STK32A: variants seen among roughly 807,000 people sequenced by gnomAD.
The protein encoded by STK32A is serine/threonine kinase 32A.
Under a neutral mutation model 53.2 loss-of-function variants are expected in STK32A, and 41 were observed. That is an observed-to-expected ratio of 0.77 (90% CI 0.60 to 1.00). The LOEUF is 1.00. STK32A is among the 50% of genes least tolerant of loss of function. The probability of loss-of-function intolerance (pLI) is 0.00; values close to 1 mark genes in which losing one functional copy is unlikely to be tolerated. For missense variants in STK32A, 458 were observed against 485.8 expected (o/e 0.94, Z 0.54); for synonymous variants, 166 against 162.8 (o/e 1.02, Z -0.15).
chr5:147,250,171 C>A (rs11167966), intron 2 of STK32A, among the ~76,000 whole-genome samples: 36,914 of 151,788 alleles, frequency 0.24, 4,528 homozygotes, highest in Admixed American at 0.3. Flanking sequence ...TGCGTGGGAA[C>A]GGAGGGGTTT....
intron 2 of STK32A, among the ~76,000 whole-genome samples, chr5:147,258,522 CCCTTTTAAAA>C (rs200912765): frequency 0.016 from 2,441 of 152,184 alleles, 80 homozygotes; most frequent in African/African-American, 0.056. Flanking sequence ...TACATAAATT[CCCTTTTAAAA>C]CTTTTTTTTC....
At chr5:147,272,933 G>A (rs1249625208) in intron 2 of STK32A, among the ~76,000 whole-genome samples, 4 of 152,162 alleles carry the variant, frequency 2.6e-5, no homozygotes, top group Admixed American at 6.5e-5. Flanking sequence ...AAGGTGTGCT[G>A]TTCTCAATAG....
At chr5:147,400,871 T>C in the STK32A span, 1 of 1,602,868 alleles carries the variant, frequency 6.2e-7, no homozygotes, top group African/African-American at 1.3e-5. Flanking sequence ...ACAGGGGAGA[T>C]GGCTGGAGGC....
intron 5 of STK32A, among the ~76,000 whole-genome samples, chr5:147,331,870 C>T (rs1285132405): frequency 6.6e-6 from 1 of 152,134 alleles, no homozygotes; most frequent in African/African-American, 2.4e-5. Flanking sequence ...AGCAAACCCA[C>T]AGAAGCTGGA....
intron 2 of STK32A, among the ~76,000 whole-genome samples, chr5:147,261,218 C>T (rs1464219732): frequency 2.0e-5 from 3 of 152,122 alleles, no homozygotes; most frequent in African/African-American, 7.2e-5. Context: ...AGTTTTAGTG[C>T]CACAAAAGGA....
At chr5:147,302,114 G>C (rs1040999661) in intron 4 of STK32A, among the ~76,000 whole-genome samples, 2 of 152,152 alleles carry the variant, frequency 1.3e-5, no homozygotes, top group African/African-American at 4.8e-5. Context: ...AATGTGGACA[G>C]CTTTGGGGAG....
Position 147,366,032 on chromosome 5 carries a change from T to TACAC in STK32A, c.660+4436_660+4439dup, listed in dbSNP as rs61026081. Among the ~76,000 whole-genome samples, 1,306 of 149,390 alleles carry TACAC rather than the reference T, an allele frequency of 8.7e-3. 16 individuals are homozygous for TACAC. The highest frequency in any genetic ancestry group is 0.03 in the African/African-American group (1,231 of 40,906). Reference sequence around the variant, plus strand: ...AGAAACTACTGTTGCTCCCCAGTGCTACACACACACACACACACACATACA... The same window carrying TACAC: ...AGAAACTACTGTTGCTCCCCAGTGCTACACACACACACACACACACACACATACA... On this transcript the variant is annotated intron_variant, in intron 8 of 12. Transcript: ENST00000397936.
intron 2 of STK32A, among the ~76,000 whole-genome samples, chr5:147,260,772 G>T (rs895705151): frequency 1.3e-5 from 2 of 152,264 alleles, no homozygotes; most frequent in East Asian, 3.9e-4. Context: ...GGCGGGATAC[G>T]CCCTAAGCCA....
At chr5:147,290,909 A>G (rs1448629209) in intron 4 of STK32A, among the ~76,000 whole-genome samples, 1 of 152,188 alleles carries the variant, frequency 6.6e-6, no homozygotes, top group Non-Finnish European at 1.5e-5. Flanking sequence ...TAAGAAAAAA[A>G]GACAAGGCAG....
rs768608929 is a variant in STK32A at position 147,237,385 on chromosome 5, A to G, written c.-96-2154A>G. ...GTGCCATCAGTGGTTCAGTCCTTAC[A>G]CTATCCCTCATTTGGATTTTAAATG... On this transcript the variant is annotated intron_variant, in intron 1 of 12. Transcript: ENST00000397936. Among the ~76,000 whole-genome samples, 17 of 152,072 alleles carry G rather than the reference A, an allele frequency of 1.1e-4. No individual in the cohort carries two copies. In the East Asian group the frequency reaches 1.2e-3, roughly 10 times the overall value.
intron 8 of STK32A, among the ~76,000 whole-genome samples, chr5:147,366,301 T>C (rs992877625): frequency 6.6e-6 from 1 of 152,208 alleles, no homozygotes; most frequent in Non-Finnish European, 1.5e-5. Context: ...AGGCAAACCT[T>C]GGTCTTCTTT....
intron 4 of STK32A, among the ~76,000 whole-genome samples, chr5:147,308,192 G>A (rs925145617): frequency 5.3e-5 from 8 of 150,418 alleles, no homozygotes; most frequent in South Asian, 4.2e-4. Flanking sequence ...ATATATATGC[G>A]TATACATTTC....
intron 4 of STK32A, among the ~76,000 whole-genome samples, chr5:147,288,210 C>T (rs1752434630): frequency 6.6e-6 from 1 of 152,186 alleles, no homozygotes; most frequent in South Asian, 2.1e-4. Context: ...TCTGGTACTA[C>T]ATTCAAAACT....
chr5:147,266,643 C>CCAGT (rs1458004711), intron 2 of STK32A, among the ~76,000 whole-genome samples: 2 of 151,996 alleles, frequency 1.3e-5, no homozygotes, highest in Admixed American at 1.3e-4. Context: ...CAAGACACAC[C>CCAGT]CAGTGTCTTC....
chr5:147,319,940 C>T (rs1426256007), intron 4 of STK32A, among the ~76,000 whole-genome samples: 1 of 152,146 alleles, frequency 6.6e-6, no homozygotes, highest in Admixed American at 6.5e-5. Flanking sequence ...CCCCTACTAT[C>T]ATGGTTTTCA....
intron 4 of STK32A, among the ~76,000 whole-genome samples, chr5:147,292,585 C>T (rs553668639): frequency 6.6e-6 from 1 of 152,266 alleles, no homozygotes; most frequent in South Asian, 2.1e-4. Flanking sequence ...AATTTCAGTC[C>T]TGGCCAGGTG....
chr5:147,375,962 A>G (rs1246815104), intron 11 of STK32A: 1 of 152,040 alleles, frequency 6.6e-6, no homozygotes, highest in African/African-American at 2.4e-5. Flanking sequence ...TCCTCCATCA[A>G]TCCCTGCCTC....
chr5:147,350,341 G>C (rs1254949039), intron 6 of STK32A, among the ~76,000 whole-genome samples: 1 of 151,442 alleles, frequency 6.6e-6, no homozygotes, highest in Non-Finnish European at 1.5e-5. Context: ...CAGTTTTGTA[G>C]TAATAATATT....
intron 2 of STK32A, among the ~76,000 whole-genome samples, chr5:147,247,222 CGATTA>C (rs1753800973): frequency 6.6e-6 from 1 of 152,150 alleles, no homozygotes; most frequent in East Asian, 1.9e-4. Context: ...AATGTCAACT[CGATTA>C]GAGTGACCAG....
Sources: gnomAD v4.1 joint callset for allele counts (sites outside exome capture counted in the v4.1 genomes callset) on GRCh38, gnomAD v4.1.1 for gene constraint, MANE v1.5 for transcripts, NCBI Gene and HGNC (gene_info 2026-07-23, HGNC 2026-07-21) for gene names.